The following SYNE2 variants were observed in gnomAD, a reference collection of about 807,000 sequenced individuals.
SYNE2 encodes nesprin-2.
In SYNE2, 431 loss-of-function variants were observed where a neutral mutation model predicts 856.3. That is an observed-to-expected ratio of 0.50 (90% CI 0.47 to 0.55). The LOEUF is 0.55. SYNE2 is among the 20% of genes least tolerant of loss of function. The probability of loss-of-function intolerance (pLI) is 0.00; values close to 1 mark genes in which losing one functional copy is unlikely to be tolerated. For synonymous variants in SYNE2, 2,923 were observed against 2,872.3 expected, an observed-to-expected ratio of 1.02 and a Z score of -0.56; for missense variants, 8,129 against 8,023.2, an observed-to-expected ratio of 1.01 and a Z score of -0.50.
At chr14:63,961,686 T>A (rs2096316488) in intron 9 of SYNE2, 61 bp downstream of exon 9, 1 of 1,234,596 alleles carries the variant, frequency 8.1e-7, no homozygotes, top group Admixed American at 1.8e-5. Context: ...TGGTTTAATT[T>A]TTAAAATCAA....
In SYNE2 at chr14:64,131,879, C is replaced by T. The variant is rs926574533; in HGVS notation, c.14341-386C>T. ...TGGAAAATAACACCTAAGGGTAATACTTTATAATTTGTTGAAGTTCCACTA... is the reference window on the plus strand; with the variant it reads ...TGGAAAATAACACCTAAGGGTAATATTTTATAATTTGTTGAAGTTCCACTA... On this transcript the variant is annotated intron_variant, in intron 76 of 115. Transcript: ENST00000555002. Among the ~76,000 whole-genome samples, 3 of 152,030 alleles carry T rather than the reference C, an allele frequency of 2.0e-5. No individual in the cohort carries two copies. The East Asian group carries it at 5.8e-4, about 29-fold the overall frequency.
chr14:64,022,866 A>G lies in SYNE2; in HGVS notation c.5637+3A>G. ...AACAAAAGCTACAAAAACTTTCTGT[A>G]AGAGATATATGTGTATTTTTAATAA... On this transcript the variant is annotated splice_donor_region_variant and intron_variant, in intron 38 of 115. Transcript: ENST00000555002. The G allele has an allele frequency of 6.7e-7, 1 of 1,485,904 alleles. No homozygotes were observed. Among genetic ancestry groups the G allele is most frequent in the Non-Finnish European group, 9.4e-7 (1 of 1,066,906 alleles). 92.0% of individuals were successfully genotyped at this position (1,485,904 alleles called of 1,614,324 possible).
At chr14:63,908,517 G>A (rs1440643071) in intron 1 of SYNE2, among the ~76,000 whole-genome samples, 1 of 152,138 alleles carries the variant, frequency 6.6e-6, no homozygotes, top group Non-Finnish European at 1.5e-5. Context: ...GCGAGGGGAA[G>A]AAATGTGTAG....
chr14:64,221,521 C>T, intron 111 of SYNE2, 55 bp from the exon 112 acceptor site: 1 of 1,614,156 alleles, frequency 6.2e-7, no homozygotes, highest in Non-Finnish European at 8.5e-7. Flanking sequence ...GTTCCTGGCA[C>T]ACCCTCTTCC....
chr14:63,911,291 T>G (rs1011935074), intron 2 of SYNE2, among the ~76,000 whole-genome samples: 1 of 152,188 alleles, frequency 6.6e-6, no homozygotes, highest in African/African-American at 2.4e-5. Flanking sequence ...ACGATTAGAA[T>G]CAGTTTCCTG....
chr14:64,077,281 T>C (rs977962371), intron 54 of SYNE2, among the ~76,000 whole-genome samples: 1 of 152,222 alleles, frequency 6.6e-6, no homozygotes, highest in Non-Finnish European at 1.5e-5. Context: ...CTCAATGGTA[T>C]ACATTTCTGC....
rs1461670888 is a variant in SYNE2, at chr14:64,119,737, A to G, written c.13023+128A>G. The stretch of plus-strand genomic sequence containing the variant: ...TGTACTAAGTGTGAAAGAATTTCAC[A>G]CATTAACACCATAGATGAGTACACT... On this transcript the variant is annotated intron_variant, in intron 67 of 115. Coordinates refer to ENST00000555002, the MANE Select transcript of SYNE2 (RefSeq NM_182914.3). 4.5e-6 allele frequency: 4 copies of G among 897,808 alleles called. No homozygotes were observed. In the African/African-American group the frequency reaches 6.8e-5, roughly 15 times the overall value. The allele number at this position is 897,808 out of a possible 1,614,324, so 55.6% of individuals were successfully genotyped here.
intron 81 of SYNE2, 64 bp downstream of exon 81, chr14:64,141,587 A>G: frequency 1.3e-6 from 2 of 1,542,690 alleles, no homozygotes; most frequent in Non-Finnish European, 1.8e-6. Flanking sequence ...CTCTTTTAAA[A>G]TTATTTCTCT....
At chr14:64,172,998 C>A (rs1216990606) in intron 94 of SYNE2, among the ~76,000 whole-genome samples, 1 of 151,690 alleles carries the variant, frequency 6.6e-6, no homozygotes, top group African/African-American at 2.4e-5. Context: ...CTTGAAAGAG[C>A]CTATTTGGGT....
intron 46 of SYNE2, chr14:64,048,438 T>C: frequency 3.6e-6 from 1 of 277,518 alleles, no homozygotes; most frequent in Non-Finnish European, 6.8e-6. Context: ...CATCATTCCT[T>C]TTCTTACAAG....
intron 43 of SYNE2, among the ~76,000 whole-genome samples, chr14:64,028,405 G>A (rs868661626): frequency 2.0e-5 from 3 of 151,976 alleles, no homozygotes; most frequent in Admixed American, 1.3e-4. Context: ...ACAGGCATGC[G>A]CCACTACACC....
At chr14:63,948,042 C>A (rs760445964) in intron 6 of SYNE2, among the ~76,000 whole-genome samples, 1 of 152,020 alleles carries the variant, frequency 6.6e-6, no homozygotes, top group Non-Finnish European at 1.5e-5. Context: ...TGTAAGTTGT[C>A]CAACTTATTC....
At position 64,120,969 on chromosome 14, in the gene SYNE2, G is replaced by C. The variant is rs944761100; in HGVS notation, c.13066G>C (p.Glu4356Gln). 6.2e-7 allele frequency: 1 copy of C among 1,614,142 alleles called. No individual in the cohort carries two copies. Among genetic ancestry groups the C allele is most frequent in the Non-Finnish European group, 8.5e-7 (1 of 1,180,010 alleles). The change falls in exon 68 of 116, where the codon GAA (glutamate) becomes CAA (glutamine). Residue 4356 changes from glutamate to glutamine, a missense_variant. This residue lies in a region of SYNE2 where 5,410 missense variants were observed against 5,284.8 expected (regional missense o/e 1.02). Transcript: ENST00000555002. The part of the protein sequence containing the change: ...LKKSSEPEHQ[E>Q]ALQPVNLSEL... ...GAAATCCTCAGAGCCAGAGCATCAA[G>C]AAGCTCTCCAACCAGTTAACCTTTC...
At chr14:63,870,214 CA>C (rs1424821693) in intron 1 of SYNE2, among the ~76,000 whole-genome samples, 1 of 152,166 alleles carries the variant, frequency 6.6e-6, no homozygotes. Context: ...CTTCAGCCCA[CA>C]ATCTACTCTC....
At chr14:64,075,728 T>G in intron 53 of SYNE2, 1 of 530,380 alleles carries the variant, frequency 1.9e-6, no homozygotes, top group South Asian at 2.0e-5. Context: ...TGTGACACTA[T>G]GAAGAGATAT....
At position 64,223,311 on chromosome 14, in the gene SYNE2, T is replaced by G; in HGVS notation, c.20313T>G (p.Val6771=). 1 of 1,614,212 alleles carries G rather than the reference T, an allele frequency of 6.2e-7. No individual in the cohort carries two copies. Among genetic ancestry groups the G allele is most frequent in the Non-Finnish European group, 8.5e-7 (1 of 1,180,028 alleles). Residue 6771 remains valine (V), a synonymous_variant, in exon 113 of 116, where the codon GTT becomes GTG. Coordinates refer to ENST00000555002, the MANE Select transcript of SYNE2 (RefSeq NM_182914.3). ...DCIEAEEKVH[V]IEKKLKQLRE... ...TTGAAGCTGAAGAAAAGGTGCATGTTATTGAGAAGAAACTCAAACAGTTAC... is the reference window on the plus strand; with the variant it reads ...TTGAAGCTGAAGAAAAGGTGCATGTGATTGAGAAGAAACTCAAACAGTTAC...
chr14:64,221,741 C>T, intron 112 of SYNE2, 37 bp downstream of exon 112: 2 of 1,611,044 alleles, frequency 1.2e-6, no homozygotes, highest in South Asian at 1.1e-5. Flanking sequence ...CTGCCACCAG[C>T]CTCTGTCAGC....
At chr14:63,782,151 A>G (rs1887340764) in intron 1 of SYNE2, among the ~76,000 whole-genome samples, 1 of 151,404 alleles carries the variant, frequency 6.6e-6, no homozygotes, top group African/African-American at 2.4e-5. Flanking sequence ...AAAAAAACCA[A>G]AAACAAAAAA....
chr14:63,936,169 A>G (rs1038693149), intron 2 of SYNE2, among the ~76,000 whole-genome samples: 8 of 152,186 alleles, frequency 5.3e-5, no homozygotes, highest in Non-Finnish European at 7.3e-5. Context: ...CACCGTGCCC[A>G]GCCCAAAATA....
Sources: allele counts gnomAD v4.1 joint callset (sites outside exome capture counted in the v4.1 genomes callset), GRCh38; gene constraint gnomAD v4.1.1; regional missense constraint gnomAD v4.1.1; transcripts MANE v1.5; gene names NCBI Gene and HGNC (gene_info 2026-07-23, HGNC 2026-07-21).